TMTC1: variants seen among roughly 807,000 people sequenced by gnomAD.
The protein encoded by TMTC1 is protein O-mannosyl-transferase TMTC1.
In TMTC1, 73 loss-of-function variants were observed where a neutral mutation model predicts 104.8. The ratio of observed to expected loss-of-function variants is 0.70; its 90% CI spans 0.58 to 0.85. The LOEUF (loss-of-function observed/expected upper bound fraction) is 0.85, where lower values mean the gene tolerates loss of function less well. Among genes scored for constraint, TMTC1 ranks in the 40% least tolerant of loss-of-function variants. TMTC1 has a pLI of 0.00. For missense variants in TMTC1, 1,035 were observed against 1,096.1 expected (o/e 0.94, Z 0.79); for synonymous variants, 434 against 428.7 (o/e 1.01, Z -0.15).
chr12:29,501,848 G>T lies in TMTC1; in HGVS notation c.*4998C>A, dbSNP rs955646018. ...ATATCAGCCAATTGATTGTTATAAAGATCTTATCAATTCTGTTGTGCCACT... is the reference window on the plus strand; with the variant it reads ...ATATCAGCCAATTGATTGTTATAAATATCTTATCAATTCTGTTGTGCCACT... On this transcript the variant is annotated 3_prime_UTR_variant, in exon 18 of 18. Transcript: ENST00000539277. 4 of 152,002 alleles carry T rather than the reference G, an allele frequency of 2.6e-5. No homozygotes were observed. Among genetic ancestry groups the T allele is most frequent in the Admixed American group, 2.6e-4 (4 of 15,266 alleles). 9.4% of individuals were successfully genotyped at this position (152,002 alleles called of 1,614,324 possible).
intron 5 of TMTC1, among the ~76,000 whole-genome samples, chr12:29,655,584 A>G (rs1939717576): frequency 6.6e-6 from 1 of 152,186 alleles, no homozygotes. Flanking sequence ...AATGTCACAT[A>G]ATCATCTTTT....
intron 5 of TMTC1, among the ~76,000 whole-genome samples, chr12:29,670,921 C>T (rs1177015783): frequency 6.3e-5 from 6 of 94,660 alleles, no homozygotes; most frequent in Non-Finnish European, 1.0e-4. Flanking sequence ...GGCCACAGCA[C>T]GAGACTCTGT....
intron 7 of TMTC1, among the ~76,000 whole-genome samples, chr12:29,600,925 A>G (rs955103511): frequency 6.6e-5 from 10 of 152,248 alleles, no homozygotes; most frequent in Non-Finnish European, 1.5e-4. Context: ...GAACTTGGAA[A>G]GAAAAGGACA....
intron 3 of TMTC1, among the ~76,000 whole-genome samples, chr12:29,757,627 TG>T (rs1484015192): frequency 6.6e-6 from 1 of 152,158 alleles, no homozygotes; most frequent in Non-Finnish European, 1.5e-5. Context: ...ATGGTTGACT[TG>T]CCCCCCTTTT....
intron 17 of TMTC1, among the ~76,000 whole-genome samples, chr12:29,511,205 C>T (rs1369994101): frequency 6.6e-6 from 1 of 152,174 alleles, no homozygotes; most frequent in Non-Finnish European, 1.5e-5. Flanking sequence ...TACATATGCA[C>T]ATATGCATGC....
chr12:29,594,885 G>A (rs911447445), intron 7 of TMTC1, among the ~76,000 whole-genome samples: 2 of 152,106 alleles, frequency 1.3e-5, no homozygotes, highest in African/African-American at 4.8e-5. Flanking sequence ...GAGCACACAA[G>A]GTTAGAAACG....
chr12:29,727,785 T>TTTTGTTGTTTTTTG (rs1942436629), intron 5 of TMTC1, among the ~76,000 whole-genome samples: 2 of 151,912 alleles, frequency 1.3e-5, no homozygotes, highest in Middle Eastern at 3.4e-3. Context: ...TTGTAGCAGT[T>TTTTGTTGTTTTTTG]TTTTGTTTTG....
chr12:29,685,151 A>G (rs1941052332), intron 5 of TMTC1, among the ~76,000 whole-genome samples: 1 of 152,166 alleles, frequency 6.6e-6, no homozygotes, highest in Non-Finnish European at 1.5e-5. Flanking sequence ...TATTTTCCTA[A>G]CTAGATATCA....
chr12:29,599,110 A>G (rs1360528403), intron 7 of TMTC1, among the ~76,000 whole-genome samples: 1 of 152,248 alleles, frequency 6.6e-6, no homozygotes, highest in Non-Finnish European at 1.5e-5. Context: ...CACTTTCTGT[A>G]ACATTATTTG....
chr12:29,638,268 C>G (rs1480256198), intron 5 of TMTC1, among the ~76,000 whole-genome samples: 1 of 152,050 alleles, frequency 6.6e-6, no homozygotes, highest in South Asian at 2.1e-4. Flanking sequence ...GGCTGGACAT[C>G]GAGAGGAGCA....
intron 5 of TMTC1, among the ~76,000 whole-genome samples, chr12:29,697,879 A>G (rs184853079): frequency 1.2e-4 from 19 of 152,318 alleles, no homozygotes; most frequent in Admixed American, 1.2e-3. Context: ...GTTACTCCCA[A>G]CCAAAAAAAG....
chr12:29,575,206 T>TA (rs1295361123), intron 8 of TMTC1, among the ~76,000 whole-genome samples: 2 of 152,136 alleles, frequency 1.3e-5, no homozygotes, highest in East Asian at 3.9e-4. Flanking sequence ...TGATAAAATA[T>TA]AGACAGATGG....
intron 5 of TMTC1, among the ~76,000 whole-genome samples, chr12:29,667,926 T>C (rs2033031): frequency 0.55 from 84,362 of 152,048 alleles, 23,638 homozygotes; most frequent in African/African-American, 0.63. Context: ...GTCCCTGTCT[T>C]GCAAATGAGG....
chr12:29,752,784 T>C (rs1943122951), intron 4 of TMTC1, among the ~76,000 whole-genome samples: 1 of 152,168 alleles, frequency 6.6e-6, no homozygotes, highest in Non-Finnish European at 1.5e-5. Context: ...AATAACACTT[T>C]TGCTATTCAC....
Position 29,505,977 on chromosome 12 carries a change from TTTCTC to T in TMTC1, c.*864_*868del, listed in dbSNP as rs1216388216. The T allele has an allele frequency of 6.6e-6, 1 of 152,188 alleles. No homozygotes were observed. 9.4% of individuals were successfully genotyped at this position (152,188 alleles called of 1,614,324 possible). On this transcript the variant is annotated 3_prime_UTR_variant, in exon 18 of 18. Transcript: ENST00000539277. Reference sequence around the variant, plus strand: ...AACATTAAGATAATAAAGTAGGACATTTCTCTTAGTTAATATCTTTAATTTTTTAT... The same window carrying T: ...AACATTAAGATAATAAAGTAGGACATTTAGTTAATATCTTTAATTTTTTAT...
chr12:29,509,956 G>T (rs1186527468), intron 17 of TMTC1, among the ~76,000 whole-genome samples: 1 of 152,054 alleles, frequency 6.6e-6, no homozygotes, highest in Non-Finnish European at 1.5e-5. Flanking sequence ...TATATTTGTT[G>T]TACTTTTTCT....
intron 10 of TMTC1, among the ~76,000 whole-genome samples, chr12:29,537,086 A>G (rs1296537621): frequency 6.6e-6 from 1 of 152,196 alleles, no homozygotes; most frequent in Non-Finnish European, 1.5e-5. Flanking sequence ...CTTTGGGGCC[A>G]AAAATGTACA....
intron 5 of TMTC1, among the ~76,000 whole-genome samples, chr12:29,726,173 GGCTACTGA>G (rs909183455): frequency 7.9e-5 from 12 of 152,176 alleles, no homozygotes; most frequent in African/African-American, 2.9e-4. Flanking sequence ...TGCGCTGCTA[GGCTACTGA>G]GCCAGAGATG....
At chr12:29,761,747 G>A (rs1351231839) in intron 2 of TMTC1, among the ~76,000 whole-genome samples, 2 of 152,136 alleles carry the variant, frequency 1.3e-5, no homozygotes, top group South Asian at 2.1e-4. Context: ...TATCACCCAC[G>A]TCACAGAAGA....
Sources: allele counts gnomAD v4.1 joint callset (sites outside exome capture counted in the v4.1 genomes callset), GRCh38; gene constraint gnomAD v4.1.1; transcripts MANE v1.5; gene names NCBI Gene and HGNC (gene_info 2026-07-23, HGNC 2026-07-21).